The following RBFOX1 variants were observed in gnomAD, a reference collection of about 807,000 sequenced individuals.
RBFOX1 encodes the protein RNA binding protein fox-1 homolog 1.
A neutral mutation model predicts 57.7 loss-of-function variants in RBFOX1; 8 were observed. The observed-to-expected ratio is 0.14, with a 90% CI of 0.08 to 0.25. The LOEUF (loss-of-function observed/expected upper bound fraction) is 0.25. Among genes scored for constraint, RBFOX1 ranks in the 10% least tolerant of loss-of-function variants. The probability of loss-of-function intolerance (pLI) is 1.00; values close to 1 mark genes in which losing one functional copy is unlikely to be tolerated. For missense variants in RBFOX1, 611 were observed against 548.5 expected (o/e 1.11, Z -1.14); for synonymous variants, 326 against 222.4 (o/e 1.47, Z -4.15).
chr16:7,246,718 T>G (rs561937998), intron 4 of RBFOX1, among the ~76,000 whole-genome samples: 102 of 151,620 alleles, frequency 6.7e-4, no homozygotes, highest in African/African-American at 2.2e-3. Context: ...CTCTTGGAGT[T>G]TTGTTGTGCT....
intron 2 of RBFOX1, among the ~76,000 whole-genome samples, chr16:6,599,940 AG>A (rs1295655620): frequency 6.6e-6 from 1 of 152,174 alleles, no homozygotes; most frequent in African/African-American, 2.4e-5. Flanking sequence ...CAATCAACAA[AG>A]CATTGAACGC....
chr16:7,001,055 C>T (rs2092745092), intron 3 of RBFOX1, among the ~76,000 whole-genome samples: 1 of 152,152 alleles, frequency 6.6e-6, no homozygotes, highest in African/African-American at 2.4e-5. Flanking sequence ...AGAGAAAAAT[C>T]TTTTACTGAT....
chr16:5,660,056 T>A (rs570319125), intron 3 of RBFOX1, among the ~76,000 whole-genome samples: 1 of 152,324 alleles, frequency 6.6e-6, no homozygotes, highest in South Asian at 2.1e-4. Flanking sequence ...CCCATAGGCT[T>A]TGTTAGACCA....
At chr16:7,000,778 A>T (rs925187766) in intron 3 of RBFOX1, among the ~76,000 whole-genome samples, 2 of 151,276 alleles carry the variant, frequency 1.3e-5, no homozygotes, top group Non-Finnish European at 2.9e-5. Flanking sequence ...CTAACTTTCT[A>T]TATTTTTAGT....
At chr16:6,619,378 G>C (rs1324344568) in intron 2 of RBFOX1, among the ~76,000 whole-genome samples, 1 of 152,138 alleles carries the variant, frequency 6.6e-6, no homozygotes, top group Non-Finnish European at 1.5e-5. Flanking sequence ...TCTATGCCAA[G>C]CCCCACATAA....
intron 4 of RBFOX1, among the ~76,000 whole-genome samples, chr16:7,435,002 A>C (rs1394830412): frequency 1.3e-5 from 2 of 152,188 alleles, no homozygotes; most frequent in Admixed American, 6.5e-5. Context: ...GGCCTCCCAA[A>C]GTGCTGTCTT....
chr16:5,742,397 T>C (rs1316884326), intron 3 of RBFOX1, among the ~76,000 whole-genome samples: 1 of 151,344 alleles, frequency 6.6e-6, no homozygotes, highest in African/African-American at 2.4e-5. Flanking sequence ...CATCAGAAGG[T>C]GTTAGAACAA....
At chr16:6,905,071 T>C (rs2153420328) in intron 3 of RBFOX1, among the ~76,000 whole-genome samples, 1 of 152,258 alleles carries the variant, frequency 6.6e-6, no homozygotes, top group East Asian at 1.9e-4. Context: ...ATAAACTTCG[T>C]TTAACTTTCT....
chr16:7,226,986 T>A (rs2093165119), intron 4 of RBFOX1, among the ~76,000 whole-genome samples: 1 of 152,196 alleles, frequency 6.6e-6, no homozygotes, highest in South Asian at 2.1e-4. Context: ...CTTGTCTTCA[T>A]CTCTCCAGGA....
chr16:5,837,220 C>G (rs1166411479), intron 3 of RBFOX1, among the ~76,000 whole-genome samples: 2 of 151,858 alleles, frequency 1.3e-5, no homozygotes, highest in Non-Finnish European at 2.9e-5. Flanking sequence ...TGCACACGCT[C>G]TCTATATTCC....
chr16:5,964,590 C>T (rs1293893086), intron 4 of RBFOX1, among the ~76,000 whole-genome samples: 1 of 151,832 alleles, frequency 6.6e-6, no homozygotes, highest in Non-Finnish European at 1.5e-5. Context: ...TGTATATATG[C>T]ATCTATATCT....
chr16:7,600,340 A>G (rs942607486), intron 9 of RBFOX1, among the ~76,000 whole-genome samples: 2 of 152,208 alleles, frequency 1.3e-5, no homozygotes, highest in African/African-American at 4.8e-5. Context: ...GATTATGGAG[A>G]ACTTTGGTGT....
At chr16:5,726,420 C>A (rs1273014913) in intron 3 of RBFOX1, among the ~76,000 whole-genome samples, 3 of 152,180 alleles carry the variant, frequency 2.0e-5, no homozygotes, top group Non-Finnish European at 4.4e-5. Flanking sequence ...CCCTAGACAA[C>A]AACCCCTCCA....
intron 2 of RBFOX1, among the ~76,000 whole-genome samples, chr16:5,486,262 G>A (rs2151657245): frequency 6.6e-6 from 1 of 152,338 alleles, no homozygotes; most frequent in South Asian, 2.1e-4. Context: ...GTCATCTCAT[G>A]TCCTGAAACT....
chr16:7,205,415 G>C (rs2089726562), intron 4 of RBFOX1, among the ~76,000 whole-genome samples: 2 of 151,734 alleles, frequency 1.3e-5, no homozygotes. Context: ...CTACTCGGGA[G>C]GCTAAGGCAG....
chr16:6,473,298 T>C (rs1190638708), intron 2 of RBFOX1, among the ~76,000 whole-genome samples: 1 of 152,134 alleles, frequency 6.6e-6, no homozygotes, highest in African/African-American at 2.4e-5. Context: ...TGTAGTTCTG[T>C]AGTACAAATC....
At position 6,534,106 on chromosome 16, in the gene RBFOX1, G is replaced by A. The variant is rs984466277; in HGVS notation, c.-63-120497G>A. Among the ~76,000 whole-genome samples the A allele has an allele frequency of 3.9e-5, 6 of 152,106 alleles. No individual in the cohort carries two copies. In the East Asian group the frequency reaches 7.7e-4, roughly 20 times the overall value. ...TAAGGCTTCTTCAGAGATGCTCATT[G>A]CATGTTTATTTGCAATGGCAAAAGA... On this transcript the variant is annotated intron_variant, in intron 2 of 15. Coordinates refer to ENST00000550418, the MANE Select transcript of RBFOX1 (RefSeq NM_018723.4).
intron 3 of RBFOX1, among the ~76,000 whole-genome samples, chr16:6,999,731 C>CT (rs2153630303): frequency 6.6e-6 from 1 of 151,816 alleles, no homozygotes; most frequent in East Asian, 1.9e-4. Context: ...AAAAATGAAA[C>CT]TTTTTAAAAA....
intron 3 of RBFOX1, among the ~76,000 whole-genome samples, chr16:7,046,046 A>T (rs1382636073): frequency 1.3e-5 from 2 of 152,224 alleles, no homozygotes; most frequent in Non-Finnish European, 2.9e-5. Context: ...CAAGGTACTG[A>T]TATTAAAATA....
Sources: allele counts gnomAD v4.1 joint callset (sites outside exome capture counted in the v4.1 genomes callset), GRCh38; gene constraint gnomAD v4.1.1; transcripts MANE v1.5; gene names NCBI Gene and HGNC (gene_info 2026-07-23, HGNC 2026-07-21).